Variants in LYST observed in about 807,000 individuals in gnomAD.
LYST encodes the protein lysosomal-trafficking regulator.
A neutral mutation model predicts 413.6 loss-of-function variants in LYST; 192 were observed. That is an observed-to-expected ratio of 0.46 (90% CI 0.41 to 0.52). LYST has a LOEUF of 0.52. Ranked by LOEUF, LYST falls within the 20% of genes least tolerant of loss-of-function variation. The probability of loss-of-function intolerance (pLI) is 0.00; values close to 1 mark genes in which losing one functional copy is unlikely to be tolerated. For missense variants in LYST, 3,815 were observed against 4,499.9 expected (o/e 0.85, Z 4.35); for synonymous variants, 1,525 against 1,567.3 (o/e 0.97, Z 0.64).
At chr1:235,706,527 C>T (rs187029299) in intron 44 of LYST, among the ~76,000 whole-genome samples, 3 of 152,158 alleles carry the variant, frequency 2.0e-5, no homozygotes, top group Non-Finnish European at 2.9e-5. Context: ...TGAAGCCTCC[C>T]GTGCCACATA....
At chr1:235,700,144 T>A (rs1337815807) in intron 45 of LYST, among the ~76,000 whole-genome samples, 2 of 151,692 alleles carry the variant, frequency 1.3e-5, no homozygotes, top group Non-Finnish European at 2.9e-5. Flanking sequence ...TAGAAGAAAA[T>A]CTAGGCAATA....
chr1:235,715,163 A>T, intron 42 of LYST, 38 bp downstream of exon 42: 1 of 1,545,050 alleles, frequency 6.5e-7, no homozygotes, highest in Non-Finnish European at 8.9e-7. Flanking sequence ...GTTTCTGATG[A>T]CCCAACATGA....
At chr1:235,708,407 C>A (rs2103116272) in intron 44 of LYST, among the ~76,000 whole-genome samples, 1 of 152,292 alleles carries the variant, frequency 6.6e-6, no homozygotes, top group Non-Finnish European at 1.5e-5. Context: ...AGATTGACTG[C>A]TATCTCTGGA....
At chr1:235,758,897 G>T in intron 23 of LYST, 75 bp downstream of exon 23, 1 of 1,389,256 alleles carries the variant, frequency 7.2e-7, no homozygotes, top group Non-Finnish European at 1.0e-6. Context: ...TAATGAAGAC[G>T]TTTCCAGAGG....
At chr1:235,826,170 C>T (rs1675310590) in intron 3 of LYST, among the ~76,000 whole-genome samples, 1 of 152,236 alleles carries the variant, frequency 6.6e-6, no homozygotes, top group Non-Finnish European at 1.5e-5. Context: ...CTGGAATTCT[C>T]ATACACTGCT....
intron 38 of LYST, among the ~76,000 whole-genome samples, chr1:235,726,043 A>G (rs921701309): frequency 5.9e-5 from 9 of 152,350 alleles, no homozygotes; most frequent in Admixed American, 2.0e-4. Flanking sequence ...GAAATAATGA[A>G]AAGTTTCTAC....
At chr1:235,771,917 GTTTTTTTTTTT>G (rs1215590592) in intron 19 of LYST, among the ~76,000 whole-genome samples, 1 of 72,728 alleles carries the variant, frequency 1.4e-5, no homozygotes, top group Admixed American at 1.8e-4. Context: ...TTTTTAGTTT[GTTTTTTTTTTT>G]TTTTTTTTTT....
At chr1:235,776,120 C>A (rs57508183) in intron 17 of LYST, among the ~76,000 whole-genome samples, 8,266 of 151,748 alleles carry the variant, frequency 0.054, 766 homozygotes, top group African/African-American at 0.19. Flanking sequence ...CAAAATATCA[C>A]AAAATATTGG....
chr1:235,670,748 C>T lies in LYST; in HGVS notation c.11039-6127G>A, dbSNP rs149030004. ...ATGAGATGCACAATTAAGTGCAAAG[C>T]GAGTGTGGAGTAAAGTAAAGGAGTG... is the stretch of plus-strand genomic sequence containing the variant. On this transcript the variant is annotated intron_variant, in intron 50 of 52. Transcript: ENST00000389793. Among the ~76,000 whole-genome samples, 17 of 152,146 alleles carry T rather than the reference C, an allele frequency of 1.1e-4. No individual in the cohort carries two copies. The South Asian group carries it at 1.2e-3, about 11-fold the overall frequency.
At chr1:235,822,492 G>A (rs546379976) in intron 3 of LYST, among the ~76,000 whole-genome samples, 1 of 152,302 alleles carries the variant, frequency 6.6e-6, no homozygotes, top group South Asian at 2.1e-4. Flanking sequence ...TCTCAATCAA[G>A]AAGAGCTGCA....
chr1:235,735,517 T>C, intron 31 of LYST: 1 of 152,288 alleles, frequency 6.6e-6, no homozygotes, highest in Non-Finnish European at 1.5e-5. Flanking sequence ...GTTTTTTAAG[T>C]GGCCCTTACA....
chr1:235,764,275 C>T (rs959144080), intron 21 of LYST, among the ~76,000 whole-genome samples: 4 of 151,998 alleles, frequency 2.6e-5, no homozygotes, highest in Non-Finnish European at 4.4e-5. Flanking sequence ...ATGATATAAT[C>T]GTTTCTTTAT....
rs755094958 is a variant in LYST, at chr1:235,724,156, C to G, written c.9187G>C (p.Ala3063Pro). Residue 3063 changes from alanine (A) to proline (P), a missense_variant, in exon 39 of 53, where the codon GCA becomes CCA. By Grantham distance (27) the Ala-to-Pro change is conservative. Transcript: ENST00000389793. ...SSSLQGELEPASFSWTYEEIK... is the reference protein window; with the variant it reads ...SSSLQGELEPPSFSWTYEEIK... ...TCTTCATATGTCCAGGAAAATGATG[C>G]TGGTTCCAACTCTCCCTGAAGGCTC... 1.2e-6 allele frequency: 2 copies of G among 1,613,802 alleles called. No homozygotes were observed. The highest frequency in any genetic ancestry group is 1.7e-6 in the Non-Finnish European group (2 of 1,179,798).
Position 235,686,835 on chromosome 1 carries a change from T to C in LYST, c.10800+114A>G, listed in dbSNP as rs1660259254. On this transcript the variant is annotated intron_variant, in intron 48 of 52. Coordinates refer to ENST00000389793, the MANE Select transcript of LYST (RefSeq NM_000081.4). The surrounding 1 kb of genome is among the most constrained non-coding windows in gnomAD (Gnocchi z 4.0). ...TTTAAGACCTAATGTAGGGAGAAGA[T>C]TAAGGTATAAACATTTTAAGTTAAT... is the stretch of plus-strand genomic sequence containing the variant. The C allele has an allele frequency of 2.4e-6, 2 of 835,872 alleles. No homozygotes were observed. Among genetic ancestry groups the C allele is most frequent in the Non-Finnish European group, 4.2e-6 (2 of 474,972 alleles). The allele number at this position is 835,872 out of a possible 1,614,324, so 51.8% of individuals were successfully genotyped here.
intron 45 of LYST, among the ~76,000 whole-genome samples, chr1:235,699,881 A>C (rs960578593): frequency 6.6e-6 from 1 of 152,198 alleles, no homozygotes; most frequent in Non-Finnish European, 1.5e-5. Context: ...TACTGGTACC[A>C]ACACAGACAT....
At chr1:235,742,396 A>G (rs1171811485) in intron 30 of LYST, among the ~76,000 whole-genome samples, 1 of 151,648 alleles carries the variant, frequency 6.6e-6, no homozygotes, top group African/African-American at 2.4e-5. Context: ...TGGAGGCTGC[A>G]GTGAGTTGAG....
intron 20 of LYST, among the ~76,000 whole-genome samples, chr1:235,769,703 C>T (rs748942851): frequency 6.6e-6 from 1 of 151,956 alleles, no homozygotes; most frequent in Non-Finnish European, 1.5e-5. Flanking sequence ...GTAACTGATA[C>T]AATTAGTGTC....
intron 28 of LYST, among the ~76,000 whole-genome samples, chr1:235,748,455 G>A (rs10926573): frequency 6.6e-6 from 1 of 152,010 alleles, no homozygotes; most frequent in African/African-American, 2.4e-5. Flanking sequence ...AGATTATTTT[G>A]TAATCATTAA....
In LYST at chr1:235,877,406, TTTG is replaced by T. The variant is rs753345121; in HGVS notation, n.454+5778_454+5780del. Among the ~76,000 whole-genome samples the T allele has an allele frequency of 5.3e-5, 8 of 152,316 alleles. No individual in the cohort carries two copies. In the South Asian group the frequency reaches 6.2e-4, roughly 12 times the overall value. ...TGTAAACAGTTCACTTATGGTCAAC[TTTG>T]TTGTTGTTGTTTTTGGAGACGGGGT... On this transcript the variant is annotated intron_variant and non_coding_transcript_variant, in intron 1 of 11. Transcript: ENST00000465349.
Sources: allele counts gnomAD v4.1 joint callset (sites outside exome capture counted in the v4.1 genomes callset), GRCh38; gene constraint gnomAD v4.1.1; non-coding constraint Gnocchi (gnomAD v3.1); transcripts MANE v1.5; gene names NCBI Gene and HGNC (gene_info 2026-07-23, HGNC 2026-07-21).